EXOC6: variants seen among roughly 807,000 people sequenced by gnomAD.
EXOC6 encodes SEC15-like 1.
Under a neutral mutation model 112.5 loss-of-function variants are expected in EXOC6, and 60 were observed. The observed-to-expected ratio is 0.53, with a 90% CI of 0.43 to 0.66. EXOC6 has a LOEUF of 0.66. Ranked by LOEUF, EXOC6 falls within the 30% of genes least tolerant of loss-of-function variation. The probability of loss-of-function intolerance (pLI) is 0.00; values close to 1 mark genes in which losing one functional copy is unlikely to be tolerated. For missense variants in EXOC6, 855 were observed against 957.1 expected (o/e 0.89, Z 1.41); for synonymous variants, 295 against 308.0 (o/e 0.96, Z 0.44).
chr10:92,952,395 A>C lies in EXOC6; in HGVS notation c.1526+13A>C. 7.0e-7 allele frequency: 1 copy of C among 1,430,454 alleles called. No individual in the cohort carries two copies. The highest frequency in any genetic ancestry group is 9.8e-7 in the Non-Finnish European group (1 of 1,019,538). The allele number at this position is 1,430,454 out of a possible 1,614,324, so 88.6% of individuals were successfully genotyped here. A position where few individuals can be genotyped will look rare whatever the true frequency, so the allele number is the denominator to read the frequency against. On this transcript the variant is annotated intron_variant, in intron 15 of 21. Transcript: ENST00000260762. ...CACTACACCGGAGGTGAGTTTACTAATCACAAATGCATTTTTGTCATAACT... is the reference window on the plus strand; with the variant it reads ...CACTACACCGGAGGTGAGTTTACTACTCACAAATGCATTTTTGTCATAACT...
At chr10:93,010,445 T>TG (rs1249457768) in intron 19 of EXOC6, among the ~76,000 whole-genome samples, 2 of 152,146 alleles carry the variant, frequency 1.3e-5, no homozygotes, top group East Asian at 3.8e-4. Flanking sequence ...GGCTCACGCC[T>TG]GTAATCACAG....
intron 1 of EXOC6, among the ~76,000 whole-genome samples, chr10:92,828,566 T>C (rs1230941071): frequency 5.9e-5 from 9 of 151,644 alleles, no homozygotes; most frequent in Non-Finnish European, 5.9e-5. Context: ...ATTCCTGACC[T>C]CAGGTGATCT....
At chr10:92,965,526 C>A (rs1842009522) in intron 17 of EXOC6, among the ~76,000 whole-genome samples, 1 of 152,110 alleles carries the variant, frequency 6.6e-6, no homozygotes, top group East Asian at 1.9e-4. Flanking sequence ...TGATAATGCT[C>A]TTGACCTCCT....
At chr10:92,991,942 T>A (rs772050129) in intron 18 of EXOC6, among the ~76,000 whole-genome samples, 5 of 152,014 alleles carry the variant, frequency 3.3e-5, no homozygotes, top group Non-Finnish European at 5.9e-5. Flanking sequence ...TGGACAGAAA[T>A]AGAGTATAAG....
upstream of EXOC6, chr10:92,831,414 C>A: frequency 2.1e-6 from 2 of 952,790 alleles, no homozygotes; most frequent in Non-Finnish European, 2.9e-6. Context: ...TAGTATTCTT[C>A]TATACTATAT....
At chr10:92,959,469 T>C (rs993927995) in intron 17 of EXOC6, among the ~76,000 whole-genome samples, 1 of 152,158 alleles carries the variant, frequency 6.6e-6, no homozygotes, top group Non-Finnish European at 1.5e-5. Context: ...GTCTTGATTG[T>C]TCCCCAAAGG....
chr10:92,982,631 A>G (rs1371474711), intron 18 of EXOC6, among the ~76,000 whole-genome samples: 1 of 152,242 alleles, frequency 6.6e-6, no homozygotes, highest in East Asian at 1.9e-4. Flanking sequence ...AGCACAGTAT[A>G]TGCTCAATAA....
At chr10:93,036,805 T>C (rs1218567328) in intron 20 of EXOC6, among the ~76,000 whole-genome samples, 1 of 152,206 alleles carries the variant, frequency 6.6e-6, no homozygotes, top group Non-Finnish European at 1.5e-5. Flanking sequence ...AATATAAGCA[T>C]TATTGTAATA....
intron 12 of EXOC6, among the ~76,000 whole-genome samples, chr10:92,939,406 AGT>A (rs745449067): frequency 4.0e-5 from 6 of 151,594 alleles, no homozygotes; most frequent in Non-Finnish European, 8.9e-5. Context: ...GTGACTACTC[AGT>A]GTGTGTGTGT....
At chr10:92,937,452 C>T (rs1219943762) in intron 12 of EXOC6, among the ~76,000 whole-genome samples, 2 of 152,116 alleles carry the variant, frequency 1.3e-5, no homozygotes, top group Non-Finnish European at 2.9e-5. Flanking sequence ...CTGATTTAAA[C>T]TATTTGCTTT....
intron 17 of EXOC6, among the ~76,000 whole-genome samples, chr10:92,970,188 T>C (rs1026516478): frequency 2.6e-5 from 4 of 152,222 alleles, no homozygotes; most frequent in Non-Finnish European, 5.9e-5. Context: ...CTTCATTCCA[T>C]ATCTCTGGGT....
intron 20 of EXOC6, among the ~76,000 whole-genome samples, chr10:93,035,387 A>G (rs1845470093): frequency 6.6e-6 from 1 of 152,236 alleles, no homozygotes; most frequent in Non-Finnish European, 1.5e-5. Context: ...TTTTTCAAAA[A>G]CCAAAAACAA....
chr10:92,998,520 A>G (rs1324714729), intron 19 of EXOC6, among the ~76,000 whole-genome samples: 1 of 152,062 alleles, frequency 6.6e-6, no homozygotes, highest in Non-Finnish European at 1.5e-5. Context: ...CAGATATCAA[A>G]TAGTTTGTGC....
At chr10:92,954,532 G>A in intron 15 of EXOC6, 98 bp from the exon 16 acceptor site, 1 of 542,470 alleles carries the variant, frequency 1.8e-6, no homozygotes, top group Admixed American at 3.6e-5. Context: ...AATAATGATG[G>A]GGAAAATTAT....
intron 1 of EXOC6, among the ~76,000 whole-genome samples, chr10:92,860,437 T>C (rs1226904793): frequency 6.6e-6 from 1 of 152,102 alleles, no homozygotes; most frequent in Non-Finnish European, 1.5e-5. Context: ...CTAATTTTTG[T>C]ATTTTTAGTA....
chr10:93,029,276 G>A (rs1327758840), intron 20 of EXOC6, among the ~76,000 whole-genome samples: 1 of 152,124 alleles, frequency 6.6e-6, no homozygotes, highest in Non-Finnish European at 1.5e-5. Context: ...CATTTACACT[G>A]GGTAACCTAA....
At chr10:92,886,444 C>T (rs1199494664) in intron 1 of EXOC6, among the ~76,000 whole-genome samples, 1 of 152,190 alleles carries the variant, frequency 6.6e-6, no homozygotes, top group Non-Finnish European at 1.5e-5. Context: ...TGCAACAGTG[C>T]ACATCAGGGA....
At chr10:92,854,674 C>T (rs929217324) in intron 1 of EXOC6, among the ~76,000 whole-genome samples, 1 of 152,184 alleles carries the variant, frequency 6.6e-6, no homozygotes, top group African/African-American at 2.4e-5. Flanking sequence ...CAGATGTAAA[C>T]CAACTTTGTA....
intron 19 of EXOC6, among the ~76,000 whole-genome samples, chr10:93,003,757 A>G (rs1374062995): frequency 1.3e-5 from 2 of 152,062 alleles, no homozygotes; most frequent in South Asian, 2.1e-4. Flanking sequence ...AGAGGGGGCA[A>G]TTAATTCTGT....
Sources: allele counts gnomAD v4.1 joint callset (sites outside exome capture counted in the v4.1 genomes callset), GRCh38; gene constraint gnomAD v4.1.1; transcripts MANE v1.5; gene names NCBI Gene and HGNC (gene_info 2026-07-23, HGNC 2026-07-21).